XPO5: variants seen among roughly 807,000 people sequenced by gnomAD.
XPO5 encodes the protein exportin 5.
A neutral mutation model predicts 160.6 loss-of-function variants in XPO5; 46 were observed. That is an observed-to-expected ratio of 0.29 (90% CI 0.23 to 0.37). The LOEUF (loss-of-function observed/expected upper bound fraction) is 0.37. Ranked by LOEUF, XPO5 falls within the 10% of genes least tolerant of loss-of-function variation. The pLI, the probability that XPO5 is intolerant of heterozygous loss-of-function variation, is 1.00. For missense variants in XPO5, 1,090 were observed against 1,463.9 expected (o/e 0.74, Z 4.17); for synonymous variants, 537 against 519.3 (o/e 1.03, Z -0.46).
intron 12 of XPO5, chr6:43,556,225 A>C: frequency 2.7e-6 from 1 of 369,310 alleles, no homozygotes; most frequent in Non-Finnish European, 4.9e-6. Flanking sequence ...TTTCTGTTTG[A>C]ATTAAAAGGA....
intron 22 of XPO5, 125 bp downstream of exon 22, chr6:43,531,354 A>T: frequency 1.2e-6 from 1 of 844,622 alleles, no homozygotes; most frequent in Non-Finnish European, 1.9e-6. Context: ...CACTAGAATG[A>T]TAAGTTTCCT....
chr6:43,562,447 T>C (rs1762464887), intron 8 of XPO5, 101 bp from the exon 9 acceptor site: 4 of 874,060 alleles, frequency 4.6e-6, no homozygotes, highest in Non-Finnish European at 7.1e-6. Flanking sequence ...GTTAGGTCTG[T>C]AATTCAGCAG....
chr6:43,552,096 T>C (rs750521203), intron 14 of XPO5, among the ~76,000 whole-genome samples: 4 of 152,174 alleles, frequency 2.6e-5, no homozygotes, highest in Non-Finnish European at 4.4e-5. Flanking sequence ...TATATATCAC[T>C]CTTGGTTGCC....
chr6:43,558,613 G>A, intron 11 of XPO5, 22 bp from the exon 12 acceptor site: 1 of 1,548,370 alleles, frequency 6.5e-7, no homozygotes, highest in Non-Finnish European at 8.7e-7. Context: ...AAGGTAATTG[G>A]GGTAGGGGAT....
rs1251007505 is a variant in XPO5, at chr6:43,553,390, G to A, written c.1555C>T (p.Arg519Ter). Residue 519 changes from arginine to a stop codon, truncating the protein, a stop_gained, in exon 14 of 32, where the codon CGA (arginine) becomes TGA (stop). Coordinates refer to ENST00000265351, the MANE Select transcript of XPO5 (RefSeq NM_020750.3). LOFTEE classifies it high-confidence loss of function. ...FLESVITQMF[R>*]TLNREEIPVN... ...TTACTTACTTCTCTATTTAGTGTTC[G>A]AAACATCTGGGTGATAACACTTTCC... The A allele has an allele frequency of 1.2e-6, 2 of 1,608,308 alleles. No homozygotes were observed. Among genetic ancestry groups the A allele is most frequent in the Non-Finnish European group, 8.5e-7 (1 of 1,177,292 alleles).
chr6:43,571,507 G>C (rs1191055108), intron 3 of XPO5, among the ~76,000 whole-genome samples: 1 of 152,132 alleles, frequency 6.6e-6, no homozygotes, highest in East Asian at 1.9e-4. Flanking sequence ...ATTCTGTTTT[G>C]TGTTTAAAGA....
chr6:43,559,690 G>C (rs1430211470), intron 11 of XPO5, among the ~76,000 whole-genome samples: 2 of 152,142 alleles, frequency 1.3e-5, no homozygotes, highest in Non-Finnish European at 1.5e-5. Context: ...GATATATTAA[G>C]TACTCTCATA....
At chr6:43,543,883 A>C (rs1794836296) in intron 20 of XPO5, among the ~76,000 whole-genome samples, 1 of 151,948 alleles carries the variant, frequency 6.6e-6, no homozygotes, top group African/African-American at 2.4e-5. Context: ...CACCATGTTT[A>C]TTGGGCTAGT....
At chr6:43,573,192 G>A (rs1470355501) in intron 2 of XPO5, among the ~76,000 whole-genome samples, 1 of 152,114 alleles carries the variant, frequency 6.6e-6, no homozygotes, top group Non-Finnish European at 1.5e-5. Context: ...AGGCTTCGAG[G>A]GCTAATGACA....
intron 25 of XPO5, 98 bp downstream of exon 25, chr6:43,528,061 T>G: frequency 7.9e-7 from 1 of 1,264,912 alleles, no homozygotes; most frequent in East Asian, 2.5e-5. Flanking sequence ...CTACTGCTCT[T>G]CTACCCTGGG....
At chr6:43,532,464 A>G (rs1794045026) in intron 21 of XPO5, among the ~76,000 whole-genome samples, 1 of 152,228 alleles carries the variant, frequency 6.6e-6, no homozygotes, top group African/African-American at 2.4e-5. Context: ...GATGGGAACA[A>G]GGTTTAGACA....
At chr6:43,570,780 C>T in intron 4 of XPO5, 77 bp downstream of exon 4, 1 of 1,528,114 alleles carries the variant, frequency 6.5e-7, no homozygotes, top group Middle Eastern at 1.8e-4. Context: ...AAAAAACCCA[C>T]AAACAAAATC....
chr6:43,526,435 TG>T (rs2127700204), intron 27 of XPO5: 2 of 530,584 alleles, frequency 3.8e-6, no homozygotes, highest in East Asian at 6.3e-5. Context: ...GAGGTGACAT[TG>T]GAATAAAGCA....
intron 14 of XPO5, among the ~76,000 whole-genome samples, chr6:43,553,095 CTTGAGGCCAGGAGT>C (rs1795329451): frequency 1.3e-5 from 2 of 152,090 alleles, no homozygotes; most frequent in African/African-American, 4.8e-5. Flanking sequence ...AGGAGGGTCG[CTTGAGGCCAGGAGT>C]TTGAGATCAG....
intron 7 of XPO5, chr6:43,566,655 C>T (rs777262778): frequency 2.3e-5 from 10 of 429,750 alleles, no homozygotes; most frequent in South Asian, 1.6e-4. Flanking sequence ...CTAAAAAATA[C>T]AAAAATCAGT....
In XPO5 at chr6:43,523,563, G is replaced by A; in HGVS notation, c.*305C>T. 1 of 549,630 alleles carries A rather than the reference G, an allele frequency of 1.8e-6. No homozygotes were observed. Among genetic ancestry groups the A allele is most frequent in the Non-Finnish European group, 3.5e-6 (1 of 282,768 alleles). 34.0% of individuals were successfully genotyped at this position (549,630 alleles called of 1,614,324 possible). ...GTATGTGGCTGCACGGGGGTGGGAG[G>A]GCTTGTGGGAGAAGGGCTGCTCTGC... On this transcript the variant is annotated 3_prime_UTR_variant, in exon 32 of 32. Coordinates refer to ENST00000265351, the MANE Select transcript of XPO5 (RefSeq NM_020750.3).
intron 14 of XPO5, among the ~76,000 whole-genome samples, chr6:43,552,853 G>A (rs533731031): frequency 1.3e-5 from 2 of 152,260 alleles, no homozygotes; most frequent in East Asian, 3.9e-4. Flanking sequence ...AAGCAGTGTG[G>A]TACTTAAAAT....
rs774794410 is a variant in XPO5 at position 43,553,510 on chromosome 6, A to AACACACACACACACAT, written c.1442-23_1442-8dup. The AACACACACACACACAT allele has an allele frequency of 2.0e-6, 3 of 1,503,446 alleles. No individual in the cohort carries two copies. Among genetic ancestry groups the AACACACACACACACAT allele is most frequent in the East Asian group, 2.6e-5 (1 of 38,074 alleles). The allele number at this position is 1,503,446 out of a possible 1,614,324, so 93.1% of individuals were successfully genotyped here. A position where few individuals can be genotyped will look rare whatever the true frequency, so the allele number is the denominator to read the frequency against. On this transcript the variant is annotated splice_polypyrimidine_tract_variant and splice_region_variant and intron_variant, in intron 13 of 31. Transcript: ENST00000265351. ...GTTCCAACTGCAGAACAAGCTTTAA[A>AACACACACACACACAT]ACACACACACACACATACACACACA...
intron 25 of XPO5, 132 bp downstream of exon 25, chr6:43,528,027 A>G: frequency 1.1e-6 from 1 of 937,748 alleles, no homozygotes; most frequent in Non-Finnish European, 1.6e-6. Context: ...GCCATGTATC[A>G]CCTAGGCTGA....
Sources: allele counts gnomAD v4.1 joint callset (sites outside exome capture counted in the v4.1 genomes callset), GRCh38; gene constraint gnomAD v4.1.1; transcripts MANE v1.5; gene names NCBI Gene and HGNC (gene_info 2026-07-23, HGNC 2026-07-21).